BMPR1B: variants seen among roughly 807,000 people sequenced by gnomAD.
BMPR1B encodes bone morphogenetic protein receptor type 1B.
A neutral mutation model predicts 59.1 loss-of-function variants in BMPR1B; 12 were observed. The observed-to-expected ratio is 0.20, with a 90% confidence interval of 0.13 to 0.33. BMPR1B has a LOEUF of 0.33. Among genes scored for constraint, BMPR1B ranks in the 10% least tolerant of loss-of-function variants. The probability of loss-of-function intolerance (pLI) is 1.00; values close to 1 mark genes in which losing one functional copy is unlikely to be tolerated. For missense variants in BMPR1B, 550 were observed against 610.9 expected, an observed-to-expected ratio of 0.90 and a Z score of 1.05; for synonymous variants, 237 against 207.3, an observed-to-expected ratio of 1.14 and a Z score of -1.23.
At chr4:94,771,689 G>A (rs188043937) in intron 1 of BMPR1B, among the ~76,000 whole-genome samples, 26 of 152,138 alleles carry the variant, frequency 1.7e-4, no homozygotes, top group African/African-American at 4.8e-4. Context: ...GAGAGTACTG[G>A]CAGTGTATTT....
chr4:95,022,728 G>A (rs921726946), intron 3 of BMPR1B, among the ~76,000 whole-genome samples: 2 of 152,062 alleles, frequency 1.3e-5, no homozygotes, highest in African/African-American at 4.8e-5. Flanking sequence ...TCTGAAATAT[G>A]AGCTTATAAA....
intron 1 of BMPR1B, among the ~76,000 whole-genome samples, chr4:94,765,162 A>G (rs1014392772): frequency 1.3e-4 from 20 of 152,288 alleles, no homozygotes; most frequent in African/African-American, 4.6e-4. Flanking sequence ...GGAAAATTAG[A>G]AATTTCATAT....
chr4:95,012,783 T>C (rs894753908), intron 3 of BMPR1B, among the ~76,000 whole-genome samples: 1 of 152,112 alleles, frequency 6.6e-6, no homozygotes, highest in Non-Finnish European at 1.5e-5. Flanking sequence ...TAAATAGGCT[T>C]TTATAACACA....
At chr4:94,998,028 T>C (rs1484250723) in intron 3 of BMPR1B, among the ~76,000 whole-genome samples, 5 of 152,174 alleles carry the variant, frequency 3.3e-5, no homozygotes, top group Admixed American at 2.6e-4. Context: ...AAGAAAGTTT[T>C]CCTTTAAATC....
intron 2 of BMPR1B, among the ~76,000 whole-genome samples, chr4:94,987,051 TA>T (rs1721453881): frequency 7.0e-6 from 1 of 142,724 alleles, no homozygotes; most frequent in South Asian, 2.1e-4. Context: ...AAAAAAAATA[TA>T]TATATATATA....
chr4:94,808,047 A>G (rs533847249), intron 1 of BMPR1B, among the ~76,000 whole-genome samples: 1 of 152,164 alleles, frequency 6.6e-6, no homozygotes, highest in East Asian at 1.9e-4. Flanking sequence ...TTGTACTTAA[A>G]ATATTTATAA....
At chr4:94,967,185 A>G (rs1308388263) in intron 2 of BMPR1B, among the ~76,000 whole-genome samples, 1 of 152,184 alleles carries the variant, frequency 6.6e-6, no homozygotes, top group African/African-American at 2.4e-5. Flanking sequence ...ATATTTTTAT[A>G]TAAGAAAGCC....
At chr4:95,140,470 T>C (rs972760866) in intron 10 of BMPR1B, among the ~76,000 whole-genome samples, 1 of 152,168 alleles carries the variant, frequency 6.6e-6, no homozygotes, top group Non-Finnish European at 1.5e-5. Context: ...TGCTGTTGCC[T>C]TGCTTTTGAT....
intron 2 of BMPR1B, among the ~76,000 whole-genome samples, chr4:94,945,716 T>C (rs148230726): frequency 0.012 from 1,860 of 152,336 alleles, 30 homozygotes; most frequent in African/African-American, 0.04. Flanking sequence ...ATTACAAGAA[T>C]GAGCCACCAC....
At chr4:95,141,554 C>T (rs757827468) in intron 10 of BMPR1B, among the ~76,000 whole-genome samples, 10 of 152,142 alleles carry the variant, frequency 6.6e-5, no homozygotes, top group Non-Finnish European at 1.3e-4. Context: ...TTGACAGTGA[C>T]GTAAGTGCCG....
intron 3 of BMPR1B, among the ~76,000 whole-genome samples, chr4:95,063,136 TAAAA>T (rs1443952605): frequency 2.0e-5 from 3 of 151,928 alleles, no homozygotes; most frequent in Non-Finnish European, 4.4e-5. Context: ...CTCAAAATAA[TAAAA>T]AAAGATCTAG....
At chr4:94,791,833 C>G (rs1261194889) in intron 1 of BMPR1B, among the ~76,000 whole-genome samples, 1 of 152,034 alleles carries the variant, frequency 6.6e-6, no homozygotes, top group Non-Finnish European at 1.5e-5. Context: ...ACCCCCACCC[C>G]ACCCTAATTC....
intron 8 of BMPR1B, 83 bp from the exon 9 acceptor site, chr4:95,129,779 A>G (rs1294987715): frequency 5.1e-6 from 7 of 1,382,660 alleles, no homozygotes; most frequent in Non-Finnish European, 7.1e-6. Context: ...ACATGCAGTA[A>G]TCGTTTCTTC....
chr4:95,116,825 G>C (rs1732105931), intron 6 of BMPR1B, among the ~76,000 whole-genome samples: 1 of 151,894 alleles, frequency 6.6e-6, no homozygotes, highest in Admixed American at 6.6e-5. Context: ...TTCTAGCCTA[G>C]AAAGCTATAC....
At chr4:94,865,165 G>A (rs533732535) in intron 1 of BMPR1B, among the ~76,000 whole-genome samples, 8 of 149,832 alleles carry the variant, frequency 5.3e-5, no homozygotes, top group South Asian at 2.1e-4. Flanking sequence ...ATGTGCCACC[G>A]TGCCTGACTA....
intron 10 of BMPR1B, among the ~76,000 whole-genome samples, chr4:95,143,365 AC>A (rs535557574): frequency 6.6e-5 from 10 of 152,054 alleles, no homozygotes; most frequent in Admixed American, 5.9e-4. Flanking sequence ...GGCTCCCATC[AC>A]CCCCTCCTTG....
At position 95,125,336 on chromosome 4, in the gene BMPR1B, C is replaced by A. The variant is rs7662630; in HGVS notation, c.585+215C>A. ...TTTAATGTAGGTGTATGGTTACAAT[C>A]CAGACCCTCAGACATTCTGATGAAG... On this transcript the variant is annotated intron_variant, in intron 8 of 12. Transcript: ENST00000515059. 0.1 allele frequency among the ~76,000 whole-genome samples: 15,796 copies of A among 152,082 alleles called. 2,023 individuals carry two copies. The highest frequency in any genetic ancestry group is 0.3 in the African/African-American group (12,551 of 41,436).
intron 3 of BMPR1B, among the ~76,000 whole-genome samples, chr4:95,001,905 T>G (rs1464259791): frequency 1.3e-5 from 2 of 152,168 alleles, no homozygotes; most frequent in Non-Finnish European, 2.9e-5. Context: ...CATCCATTCT[T>G]ATTAATATTA....
chr4:95,018,714 C>A (rs1215542840), intron 3 of BMPR1B, among the ~76,000 whole-genome samples: 2 of 152,090 alleles, frequency 1.3e-5, no homozygotes, highest in African/African-American at 4.8e-5. Flanking sequence ...TGATAAATAA[C>A]TACTATTTTT....
Sources: allele counts gnomAD v4.1 joint callset (sites outside exome capture counted in the v4.1 genomes callset), GRCh38; gene constraint gnomAD v4.1.1; transcripts MANE v1.5; gene names NCBI Gene and HGNC (gene_info 2026-07-23, HGNC 2026-07-21).